The following CFAP206 variants were observed in gnomAD, a reference collection of about 807,000 sequenced individuals.
The protein encoded by CFAP206 is cilia and flagella associated protein 206.
A neutral mutation model predicts 65.4 loss-of-function variants in CFAP206; 53 were observed. The ratio of observed to expected loss-of-function variants is 0.81; its 90% CI spans 0.65 to 1.02. CFAP206 has a LOEUF of 1.02. Among genes scored for constraint, CFAP206 ranks in the 50% least tolerant of loss-of-function variants. The pLI, the probability that CFAP206 is intolerant of heterozygous loss-of-function variation, is 0.00. For synonymous variants in CFAP206, 250 were observed against 254.4 expected, an observed-to-expected ratio of 0.98 and a Z score of 0.17; for missense variants, 663 against 753.2, an observed-to-expected ratio of 0.88 and a Z score of 1.40.
intron 11 of CFAP206, among the ~76,000 whole-genome samples, chr6:87,438,460 C>A (rs371888383): frequency 0.011 from 1,197 of 109,974 alleles, no homozygotes; most frequent in Middle Eastern, 0.022. Flanking sequence ...ACTCTTGTCT[C>A]AAAAAAAAAA....
chr6:87,408,272 C>A (rs1020949100), intron 1 of CFAP206, among the ~76,000 whole-genome samples, 183 bp downstream of exon 1: 1 of 152,216 alleles, frequency 6.6e-6, no homozygotes, highest in East Asian at 1.9e-4. Flanking sequence ...CCATTCCTGC[C>A]GGAGGCGCCA....
Position 87,435,012 on chromosome 6 carries a change from G to A in CFAP206, c.1453G>A (p.Glu485Lys), listed in dbSNP as rs757647018. The change falls in exon 11 of 13, where the codon GAA becomes AAA. Residue 485 changes from glutamate to lysine, a missense_variant. Coordinates refer to ENST00000369562, the MANE Select transcript of CFAP206 (RefSeq NM_001031743.3). Reference sequence around the variant, plus strand: ...AAATACAGAGTTAATTCAACTATTGGAACTTCATCAACAGTTTGAAACATT... The same window carrying A: ...AAATACAGAGTTAATTCAACTATTGAAACTTCATCAACAGTTTGAAACATT... Reference protein sequence around the residue: ...KKNTELIQLLELHQQFETFIP... With the variant: ...KKNTELIQLLKLHQQFETFIP... 2 of 1,607,440 alleles carry A rather than the reference G, an allele frequency of 1.2e-6. No homozygotes were observed. Among genetic ancestry groups the A allele is most frequent in the Non-Finnish European group, 1.7e-6 (2 of 1,176,890 alleles).
At chr6:87,414,150 A>G (rs1767785586) in intron 4 of CFAP206, among the ~76,000 whole-genome samples, 4 of 152,220 alleles carry the variant, frequency 2.6e-5, no homozygotes, top group Admixed American at 2.6e-4. Context: ...AATACATAAT[A>G]ATTAGGAATT....
At chr6:87,445,069 C>A in intron 11 of CFAP206, 3 of 509,530 alleles carry the variant, frequency 5.9e-6, no homozygotes, top group South Asian at 2.8e-5. Context: ...GTGAATAAGT[C>A]AATGGCTTTC....
intron 11 of CFAP206, among the ~76,000 whole-genome samples, chr6:87,457,733 T>C (rs1188151817): frequency 1.3e-5 from 2 of 152,120 alleles, no homozygotes; most frequent in African/African-American, 2.4e-5. Context: ...CAGGAAAACA[T>C]TGGGGAAACT....
chr6:87,443,880 G>A (rs1053850829), intron 11 of CFAP206, among the ~76,000 whole-genome samples: 2 of 152,152 alleles, frequency 1.3e-5, no homozygotes, highest in African/African-American at 4.8e-5. Context: ...GTGGTATTTG[G>A]TTTTCTGTTC....
chr6:87,460,967 C>A (rs1582154804), intron 11 of CFAP206, 55 bp from the exon 12 acceptor site: 2 of 1,439,714 alleles, frequency 1.4e-6, no homozygotes, highest in Non-Finnish European at 1.9e-6. Context: ...TTTTAGTTAT[C>A]AGTAAATAAT....
intron 12 of CFAP206, among the ~76,000 whole-genome samples, chr6:87,463,408 C>T (rs1768776208): frequency 6.6e-6 from 1 of 152,174 alleles, no homozygotes; most frequent in African/African-American, 2.4e-5. Context: ...CACTCACATG[C>T]TATAATGCCT....
chr6:87,457,144 C>T lies in CFAP206; in HGVS notation c.1495-3878C>T, dbSNP rs1388108494. Among the ~76,000 whole-genome samples, 26 of 78,148 alleles carry T rather than the reference C, an allele frequency of 3.3e-4. 1 individual carries two copies. The highest frequency in any genetic ancestry group is 1.3e-3 in the African/African-American group (23 of 17,974). The allele number at this position is 78,148 out of a possible 152,430, so 51.3% of individuals were successfully genotyped here. ...CAGCCTGGGCGACAGAGTGAGACAA[C>T]CTCTCAAAAAAAAAAAAAAAAAGAA... On this transcript the variant is annotated intron_variant, in intron 11 of 12. Coordinates refer to ENST00000369562, the MANE Select transcript of CFAP206 (RefSeq NM_001031743.3).
chr6:87,461,164 TG>T lies in CFAP206; in HGVS notation c.1638+1del. The T allele has an allele frequency of 6.4e-7, 1 of 1,551,622 alleles. No homozygotes were observed. Among genetic ancestry groups the T allele is most frequent in the Non-Finnish European group, 8.6e-7 (1 of 1,157,010 alleles). On this transcript the variant is annotated frameshift_variant and splice_region_variant, in exon 12 of 13. Coordinates refer to ENST00000369562, the MANE Select transcript of CFAP206 (RefSeq NM_001031743.3). LOFTEE classifies it high-confidence loss of function. ...EWELRRKAIKLANLRQKVTHS... is the reference protein window; with the variant it reads ...EWELRRKAIKXANLRQKVTHS... ...GAATTAAGAAGAAAAGCTATAAAAT[TG>T]GTTTGTAACAATACTTTCTAGAATT...
rs754278838 is a variant in CFAP206, at chr6:87,461,073, A to T, written c.1546A>T (p.Ser516Cys). The T allele has an allele frequency of 7.5e-6, 12 of 1,592,136 alleles. No homozygotes were observed. The African/African-American group carries it at 1.6e-4, about 22-fold the overall frequency. The change falls in exon 12 of 13, where the codon AGC becomes TGC. Residue 516 changes from serine to cysteine, a missense_variant. Transcript: ENST00000369562. The stretch of plus-strand genomic sequence containing the variant: ...AAAACCAATTACAAAATGTGAAAGT[A>T]GCACACAGACGAATACACACATACT... Reference protein sequence around the residue: ...YIKPITKCESSTQTNTHILPP... With the variant: ...YIKPITKCESCTQTNTHILPP...
intron 11 of CFAP206, chr6:87,445,208 G>T (rs975291124): frequency 7.3e-6 from 2 of 273,294 alleles, no homozygotes; most frequent in African/African-American, 4.6e-5. Flanking sequence ...TTATTATTAC[G>T]TTTTAAATTT....
At chr6:87,463,084 G>A (rs1380505744) in intron 12 of CFAP206, among the ~76,000 whole-genome samples, 1 of 152,228 alleles carries the variant, frequency 6.6e-6, no homozygotes, top group African/African-American at 2.4e-5. Flanking sequence ...TGAAAAAGCA[G>A]TCCAGCATTG....
intron 12 of CFAP206, among the ~76,000 whole-genome samples, chr6:87,462,960 G>A (rs1479972239): frequency 6.6e-6 from 1 of 152,226 alleles, no homozygotes; most frequent in Non-Finnish European, 1.5e-5. Flanking sequence ...TCTCAGAAGA[G>A]GAACTGCAAA....
At chr6:87,411,069 C>CT (rs1289110836) in intron 3 of CFAP206, among the ~76,000 whole-genome samples, 4 of 152,122 alleles carry the variant, frequency 2.6e-5, no homozygotes, top group African/African-American at 9.7e-5. Flanking sequence ...CATTTCACTT[C>CT]TTTTTTCTTT....
chr6:87,420,388 CAACT>C (rs1194552536), intron 7 of CFAP206, among the ~76,000 whole-genome samples: 1 of 152,152 alleles, frequency 6.6e-6, no homozygotes, highest in African/African-American at 2.4e-5. Context: ...ATGAATCCAC[CAACT>C]AAGTCTTAAA....
chr6:87,411,059 C>T (rs1210242027), intron 3 of CFAP206, among the ~76,000 whole-genome samples: 1 of 135,932 alleles, frequency 7.4e-6, no homozygotes, highest in African/African-American at 2.9e-5. Flanking sequence ...GACCCAGGGA[C>T]ATTTCACTTC....
At chr6:87,422,825 G>A (rs939536629) in intron 7 of CFAP206, among the ~76,000 whole-genome samples, 13 of 152,016 alleles carry the variant, frequency 8.6e-5, no homozygotes, top group African/African-American at 2.9e-4. Context: ...TAAAATGTAA[G>A]TAGAGTAATT....
chr6:87,418,893 C>T (rs1014453968), intron 7 of CFAP206, among the ~76,000 whole-genome samples: 5 of 152,124 alleles, frequency 3.3e-5, no homozygotes, highest in African/African-American at 1.2e-4. Context: ...GGACAGATCG[C>T]TTGAGCCCAA....
Sources: gnomAD v4.1 joint callset for allele counts (sites outside exome capture counted in the v4.1 genomes callset) on GRCh38, gnomAD v4.1.1 for gene constraint, MANE v1.5 for transcripts, NCBI Gene and HGNC (gene_info 2026-07-23, HGNC 2026-07-21) for gene names.